Variants in ACVR2B observed in about 807,000 individuals in gnomAD.
ACVR2B encodes activin A receptor type 2B, also known as activin receptor type-2B.
In ACVR2B, 18 loss-of-function variants were observed where a neutral mutation model predicts 65.1. The ratio of observed to expected loss-of-function variants is 0.28; its 90% CI spans 0.19 to 0.41. The LOEUF (loss-of-function observed/expected upper bound fraction) is 0.41. ACVR2B is among the 10% of genes least tolerant of loss of function. The pLI, the probability that ACVR2B is intolerant of heterozygous loss-of-function variation, is 1.00. For missense variants in ACVR2B, 482 were observed against 682.7 expected (o/e 0.71, Z 3.28); for synonymous variants, 298 against 277.7 (o/e 1.07, Z -0.73).
At chr3:38,465,562 A>C (rs1709714436) in intron 1 of ACVR2B, among the ~76,000 whole-genome samples, 1 of 152,190 alleles carries the variant, frequency 6.6e-6, no homozygotes, top group Non-Finnish European at 1.5e-5. Context: ...TTATCAGGGG[A>C]TTAGGTGAAA....
chr3:38,474,986 T>C (rs1455742019), intron 1 of ACVR2B: 3 of 152,314 alleles, frequency 2.0e-5, no homozygotes, highest in Non-Finnish European at 4.4e-5. Context: ...CTGTCTGCAG[T>C]GCAGCTTCAT....
chr3:38,465,388 AT>A lies in ACVR2B; in HGVS notation c.52+11016del, dbSNP rs544686427. On this transcript the variant is annotated intron_variant, in intron 1 of 10. Transcript: ENST00000352511. ...CCTCCAGCCTGGGTGACAGAATGAG[AT>A]TCCATCTCAAAAAAAAAAAAAAAAA... Among the ~76,000 whole-genome samples, 356 of 116,150 alleles carry A rather than the reference AT, an allele frequency of 3.1e-3. 2 individuals are homozygous for A. The highest frequency in any genetic ancestry group is 0.011 in the African/African-American group (319 of 29,156). The allele number at this position is 116,150 out of a possible 152,430, so 76.2% of individuals were successfully genotyped here. A position where few individuals can be genotyped will look rare whatever the true frequency, so the allele number is the denominator to read the frequency against.
intron 1 of ACVR2B, among the ~76,000 whole-genome samples, chr3:38,460,597 T>C (rs949577416): frequency 2.6e-5 from 4 of 152,222 alleles, no homozygotes; most frequent in African/African-American, 9.7e-5. Flanking sequence ...TTTCAGATTC[T>C]TTCTGGGACT....
chr3:38,466,676 G>T (rs1017242365), intron 1 of ACVR2B, among the ~76,000 whole-genome samples: 8 of 151,896 alleles, frequency 5.3e-5, no homozygotes, highest in Admixed American at 6.6e-5. Context: ...GCTAATTTTT[G>T]TATTTTTTAG....
Position 38,491,267 on chromosome 3 carries a change from G to C in ACVR2B, c.*7935G>C, listed in dbSNP as rs1249170733. Reference sequence around the variant, plus strand: ...TCTGAATTTTTGTCTCTGGGGCATAGATGGCAGACCAAGATTAAAAGTGGT... The same window carrying C: ...TCTGAATTTTTGTCTCTGGGGCATACATGGCAGACCAAGATTAAAAGTGGT... On this transcript the variant is annotated 3_prime_UTR_variant, in exon 11 of 11. Coordinates refer to ENST00000352511, the MANE Select transcript of ACVR2B (RefSeq NM_001106.4). 1 of 152,626 alleles carries C rather than the reference G, an allele frequency of 6.6e-6. No homozygotes were observed. The highest frequency in any genetic ancestry group is 1.5e-5 in the Non-Finnish European group (1 of 68,040). 9.5% of individuals were successfully genotyped at this position (152,626 alleles called of 1,614,324 possible).
At position 38,477,119 on chromosome 3, in the gene ACVR2B, G is replaced by A. The variant is rs531976767; in HGVS notation, c.53-168G>A. ...CTGGCACACGTAAATTAAGAGGTGT[G>A]GGACGGATGGGTGGCCTACGTCCAG... is the stretch of plus-strand genomic sequence containing the variant. On this transcript the variant is annotated intron_variant, in intron 1 of 10. Coordinates refer to ENST00000352511, the MANE Select transcript of ACVR2B (RefSeq NM_001106.4). The surrounding 1 kb of genome is among the most constrained non-coding windows in gnomAD (Gnocchi z 6.7). 1.0e-5 allele frequency: 7 copies of A among 678,436 alleles called. No homozygotes were observed. In the Admixed American group the frequency reaches 1.7e-4, roughly 17 times the overall value. 42.0% of individuals were successfully genotyped at this position (678,436 alleles called of 1,614,324 possible).
intron 1 of ACVR2B, among the ~76,000 whole-genome samples, chr3:38,461,530 G>A (rs1394810567): frequency 1.3e-5 from 2 of 151,976 alleles, no homozygotes; most frequent in Non-Finnish European, 2.9e-5. Flanking sequence ...CTGGCTGAGG[G>A]TGAGACCTAC....
chr3:38,478,577 G>T, intron 5 of ACVR2B, 59 bp downstream of exon 5: 1 of 1,611,636 alleles, frequency 6.2e-7, no homozygotes, highest in East Asian at 2.2e-5. Flanking sequence ...TGAACTGGAG[G>T]CTCTCCTGAC....
rs200335360 is a variant in ACVR2B, at chr3:38,479,797, C to T, written c.930C>T (p.Gly310=). 28 of 1,614,176 alleles carry T rather than the reference C, an allele frequency of 1.7e-5. No individual in the cohort carries two copies. Among genetic ancestry groups the T allele is most frequent in the Admixed American group, 5.0e-5 (3 of 60,034 alleles). Residue 310 remains glycine, a synonymous_variant, in exon 7 of 11, where the codon GGC becomes GGT. Transcript: ENST00000352511. The part of the protein sequence containing the change: ...YLHEDVPWCR[G]EGHKPSIAHR... ...ATGAGGATGTGCCCTGGTGCCGTGG[C>T]GAGGGCCACAAGCCGTCTATTGCCC...
chr3:38,492,793 CACACACACACATACA>C lies in ACVR2B; in HGVS notation c.*9462_*9476del, dbSNP rs1559662954. ...ACACACACACACACACACACACACA[CACACACACACATACA>C]CCTAAAATGGCCTAAAGCAGACATC... On this transcript the variant is annotated 3_prime_UTR_variant, in exon 11 of 11. Coordinates refer to ENST00000352511, the MANE Select transcript of ACVR2B (RefSeq NM_001106.4). 17 of 54,780 alleles carry C rather than the reference CACACACACACATACA, an allele frequency of 3.1e-4. No individual in the cohort carries two copies. Among genetic ancestry groups the C allele is most frequent in the Non-Finnish European group, 6.1e-4 (16 of 26,050 alleles). 3.4% of individuals were successfully genotyped at this position (54,780 alleles called of 1,614,324 possible).
Position 38,477,116 on chromosome 3 carries a change from T to A in ACVR2B, c.53-171T>A. 1 of 667,952 alleles carries A rather than the reference T, an allele frequency of 1.5e-6. No homozygotes were observed. Among genetic ancestry groups the A allele is most frequent in the South Asian group, 1.8e-5 (1 of 54,412 alleles). The allele number at this position is 667,952 out of a possible 1,614,324, so 41.4% of individuals were successfully genotyped here. On this transcript the variant is annotated intron_variant, in intron 1 of 10. Transcript: ENST00000352511. The surrounding 1 kb of genome is among the most constrained non-coding windows in gnomAD (Gnocchi z 6.7). ...CAGCTGGCACACGTAAATTAAGAGG[T>A]GTGGGACGGATGGGTGGCCTACGTC...
At chr3:38,456,943 ATGC>A (rs1709560435) in intron 1 of ACVR2B, among the ~76,000 whole-genome samples, 1 of 152,230 alleles carries the variant, frequency 6.6e-6, no homozygotes, top group African/African-American at 2.4e-5. Context: ...ACAGTGGCTC[ATGC>A]CAGTAATCCC....
chr3:38,455,710 C>T (rs1023997195), intron 1 of ACVR2B, among the ~76,000 whole-genome samples: 10 of 152,206 alleles, frequency 6.6e-5, no homozygotes, highest in Admixed American at 1.3e-4. Flanking sequence ...GAGGGCGTTG[C>T]AGCTCTCCTG....
At position 38,478,308 on chromosome 3, in the gene ACVR2B, C is replaced by T. The variant is rs1157883397; in HGVS notation, c.522+16C>T. On this transcript the variant is annotated intron_variant, in intron 4 of 10. Coordinates refer to ENST00000352511, the MANE Select transcript of ACVR2B (RefSeq NM_001106.4). Reference sequence around the variant, plus strand: ...CATCCATGAGGTGAGACAGTGCTGGCTTGGGGCAGGGCAGGATAGAGGTGG... The same window carrying T: ...CATCCATGAGGTGAGACAGTGCTGGTTTGGGGCAGGGCAGGATAGAGGTGG... 1.2e-6 allele frequency: 2 copies of T among 1,613,950 alleles called. No individual in the cohort carries two copies. Among genetic ancestry groups the T allele is most frequent in the Admixed American group, 1.7e-5 (1 of 60,008 alleles).
rs1005884941 is a variant in ACVR2B at position 38,486,325 on chromosome 3, G to A, written c.*2993G>A. The A allele has an allele frequency of 6.6e-6, 1 of 152,284 alleles. No homozygotes were observed. Among genetic ancestry groups the A allele is most frequent in the African/African-American group, 2.4e-5 (1 of 41,442 alleles). 9.4% of individuals were successfully genotyped at this position (152,284 alleles called of 1,614,324 possible). A position where few individuals can be genotyped will look rare whatever the true frequency, so the allele number is the denominator to read the frequency against. ...CTGTGGTGTAAAGTGCACCCATCAG[G>A]TGGTATATCTGGTTCTGATGGCAAG... On this transcript the variant is annotated 3_prime_UTR_variant, in exon 11 of 11. Coordinates refer to ENST00000352511, the MANE Select transcript of ACVR2B (RefSeq NM_001106.4).
In ACVR2B at chr3:38,486,174, A is replaced by G. The variant is rs1436281991; in HGVS notation, c.*2842A>G. 1 of 152,268 alleles carries G rather than the reference A, an allele frequency of 6.6e-6. No individual in the cohort carries two copies. Among genetic ancestry groups the G allele is most frequent in the Non-Finnish European group, 1.5e-5 (1 of 68,108 alleles). The allele number at this position is 152,268 out of a possible 1,614,324, so 9.4% of individuals were successfully genotyped here. On this transcript the variant is annotated 3_prime_UTR_variant, in exon 11 of 11. Coordinates refer to ENST00000352511, the MANE Select transcript of ACVR2B (RefSeq NM_001106.4). ...CGTTAGGCCCACCGTACGCTCAGCC[A>G]CTATAGTGTCCCTGTGGGGCCTTGC...
chr3:38,479,636 T>A (rs375354856), intron 6 of ACVR2B, 42 bp from the exon 7 acceptor site: 2 of 1,610,796 alleles, frequency 1.2e-6, no homozygotes, highest in African/African-American at 2.7e-5. Context: ...TCCTGTCCTG[T>A]ACCCAGAATC....
chr3:38,481,251 C>A lies in ACVR2B; in HGVS notation c.960-100C>A. On this transcript the variant is annotated intron_variant, in intron 7 of 10. Transcript: ENST00000352511. This position sits in a 1 kb window ranked among gnomAD's most constrained non-coding sequence, Gnocchi z 4.7. The stretch of plus-strand genomic sequence containing the variant: ...CCCAGGTAGGGTGGGATGGCCTGGT[C>A]TGGGGCCTGACTCTAGGGCACAGAC... 9.6e-7 allele frequency: 1 copy of A among 1,037,634 alleles called. No homozygotes were observed. The highest frequency in any genetic ancestry group is 1.5e-6 in the Non-Finnish European group (1 of 661,324). The allele number at this position is 1,037,634 out of a possible 1,614,324, so 64.3% of individuals were successfully genotyped here.
At chr3:38,470,634 T>C (rs974105097) in intron 1 of ACVR2B, among the ~76,000 whole-genome samples, 2 of 152,146 alleles carry the variant, frequency 1.3e-5, no homozygotes, top group African/African-American at 4.8e-5. Flanking sequence ...ACACAAATAA[T>C]GTCTGATTTG....
Sources: gnomAD v4.1 joint callset for allele counts (sites outside exome capture counted in the v4.1 genomes callset) on GRCh38, gnomAD v4.1.1 for gene constraint, Gnocchi (gnomAD v3.1) non-coding constraint, MANE v1.5 for transcripts, NCBI Gene and HGNC (gene_info 2026-07-23, HGNC 2026-07-21) for gene names.